The following PARP16 variants were observed in gnomAD, a reference collection of about 807,000 sequenced individuals.
PARP16 encodes the protein protein mono-ADP-ribosyltransferase PARP16.
Under a neutral mutation model 35.0 loss-of-function variants are expected in PARP16, and 31 were observed. That is an observed-to-expected ratio of 0.88 (90% CI 0.66 to 1.19). PARP16 has a LOEUF of 1.19. PARP16 is among the 50% of genes most tolerant of loss of function. The pLI is 0.00. For synonymous variants in PARP16, 162 were observed against 169.5 expected (o/e 0.96, Z 0.34); for missense variants, 424 against 411.2 (o/e 1.03, Z -0.27).
intron 5 of PARP16, among the ~76,000 whole-genome samples, chr15:65,260,504 C>T (rs962767085): frequency 2.0e-5 from 3 of 152,200 alleles, no homozygotes; most frequent in Non-Finnish European, 4.4e-5. Flanking sequence ...GCTACTGAGC[C>T]AGCCTGTGCA....
chr15:65,244,688 T>C (rs2089162936), intron 3 of PARP16, among the ~76,000 whole-genome samples: 1 of 152,238 alleles, frequency 6.6e-6, no homozygotes, highest in African/African-American at 2.4e-5. Context: ...ATCTTGTCTG[T>C]CTTGTTTATG....
chr15:65,248,197 T>A (rs1350515696), exon 3 of PARP16: 1 of 456,508 alleles, frequency 2.2e-6, no homozygotes, highest in Admixed American at 2.3e-5. Flanking sequence ...GGCTTTACTC[T>A]GGCCACAGAC....
intron 1 of PARP16, among the ~76,000 whole-genome samples, chr15:65,280,978 C>T (rs1184476954): frequency 6.6e-6 from 1 of 152,154 alleles, no homozygotes; most frequent in Non-Finnish European, 1.5e-5. Flanking sequence ...AGGTCTGAGG[C>T]AGGACCTGCT....
rs373311956 is a variant in PARP16, at chr15:65,266,437, G to A, written c.519+125C>T. 22 of 729,068 alleles carry A rather than the reference G, an allele frequency of 3.0e-5. No individual in the cohort carries two copies. In the South Asian group the frequency reaches 3.7e-4, roughly 12 times the overall value. 45.2% of individuals were successfully genotyped at this position (729,068 alleles called of 1,614,324 possible). On this transcript the variant is annotated intron_variant, in intron 3 of 5. Transcript: ENST00000649807. ...CTGGTGTGCAGACCACATTTTGAGT[G>A]AGAAGGCGTTAGTAAACCTACCCGA...
chr15:65,259,587 A>C (rs776813787), intron 5 of PARP16, 45 bp from the exon 6 acceptor site: 5 of 1,596,036 alleles, frequency 3.1e-6, no homozygotes, highest in Non-Finnish European at 4.3e-6. Context: ...AAAGAGAAAA[A>C]CATTTTTTTT....
At chr15:65,267,209 C>T (rs1198909597) in intron 2 of PARP16, among the ~76,000 whole-genome samples, 1 of 151,894 alleles carries the variant, frequency 6.6e-6, no homozygotes, top group African/African-American at 2.4e-5. Context: ...TCACTGTACT[C>T]CAGACTGGGC....
At chr15:65,284,770 A>C (rs528302698) in intron 1 of PARP16, among the ~76,000 whole-genome samples, 4 of 145,664 alleles carry the variant, frequency 2.7e-5, no homozygotes, top group African/African-American at 1.0e-4. Context: ...CTACGTCCAG[A>C]GTTTTCTTTG....
At chr15:65,269,906 G>C (rs561256246) in intron 2 of PARP16, among the ~76,000 whole-genome samples, 1 of 152,256 alleles carries the variant, frequency 6.6e-6, no homozygotes, top group South Asian at 2.1e-4. Flanking sequence ...GAATAAATTT[G>C]AATTCAACAC....
chr15:65,245,738 C>T (rs2089193641), intron 3 of PARP16, among the ~76,000 whole-genome samples: 1 of 152,174 alleles, frequency 6.6e-6, no homozygotes, highest in Non-Finnish European at 1.5e-5. Context: ...GAGCTCAGGA[C>T]AGCCATCAGA....
At chr15:65,236,256 T>C (rs949631324) in intron 3 of PARP16, among the ~76,000 whole-genome samples, 3 of 152,216 alleles carry the variant, frequency 2.0e-5, no homozygotes, top group Non-Finnish European at 4.4e-5. Flanking sequence ...AACCCTGTGG[T>C]GCTTACAGTC....
At chr15:65,274,891 G>A (rs1415176838) in intron 1 of PARP16, among the ~76,000 whole-genome samples, 10 of 152,060 alleles carry the variant, frequency 6.6e-5, no homozygotes, top group Non-Finnish European at 1.2e-4. Context: ...CGAGGCAGGC[G>A]GATCACCTGA....
In PARP16 at chr15:65,271,052, T is replaced by C. The variant is rs138518699; in HGVS notation, c.195A>G (p.Leu65=). 1.6e-4 allele frequency: 266 copies of C among 1,614,032 alleles called. No homozygotes were observed. Among genetic ancestry groups the C allele is most frequent in the Middle Eastern group, 1.2e-3 (7 of 6,062 alleles). The change falls in exon 2 of 6, where the codon TTA becomes TTG. Residue 65 remains leucine, a synonymous_variant. Coordinates refer to ENST00000649807, the MANE Select transcript of PARP16 (RefSeq NM_001316943.2). ...FEALLADASK[L]PNLKELLQSS... ...ACTGGAGAAGTTCTTTCAGGTTAGGTAACTTGCTGGCATCTGCAAGCTGAA... is the reference window on the plus strand; with the variant it reads ...ACTGGAGAAGTTCTTTCAGGTTAGGCAACTTGCTGGCATCTGCAAGCTGAA...
chr15:65,232,486 G>A (rs2088789511), downstream of PARP16, among the ~76,000 whole-genome samples: 1 of 152,186 alleles, frequency 6.6e-6, no homozygotes, highest in Non-Finnish European at 1.5e-5. Flanking sequence ...AGTTAATACT[G>A]AACTGTACAC....
chr15:65,260,800 G>C (rs1023621089), intron 5 of PARP16, 85 bp downstream of exon 5: 1 of 1,262,916 alleles, frequency 7.9e-7, no homozygotes, highest in African/African-American at 1.5e-5. Flanking sequence ...GAGGTCTAAG[G>C]CTGGGGGAGG....
chr15:65,237,480 C>G (rs977346642), intron 3 of PARP16, among the ~76,000 whole-genome samples: 1 of 152,148 alleles, frequency 6.6e-6, no homozygotes, highest in African/African-American at 2.4e-5. Flanking sequence ...CCTGGATTAT[C>G]TGGGTGGACC....
At chr15:65,256,429 A>G (rs1433569358), downstream of PARP16, among the ~76,000 whole-genome samples, 2 of 114,038 alleles carry the variant, frequency 1.8e-5, no homozygotes, top group African/African-American at 6.6e-5. Flanking sequence ...TTTTTTTGAG[A>G]TGGAGTCTCG....
chr15:65,237,672 C>T (rs1055257920), intron 3 of PARP16, among the ~76,000 whole-genome samples: 1 of 152,150 alleles, frequency 6.6e-6, no homozygotes, highest in African/African-American at 2.4e-5. Context: ...CCCCTAGAGC[C>T]TCCAGAGGGA....
chr15:65,268,861 T>A (rs2089991578), intron 2 of PARP16, among the ~76,000 whole-genome samples: 1 of 152,114 alleles, frequency 6.6e-6, no homozygotes, highest in Non-Finnish European at 1.5e-5. Flanking sequence ...TTCAAGCGAT[T>A]CTCCTACCTC....
intron 1 of PARP16, among the ~76,000 whole-genome samples, chr15:65,277,661 C>T (rs1456331158): frequency 1.3e-5 from 2 of 152,132 alleles, no homozygotes; most frequent in South Asian, 2.1e-4. Context: ...CCAGGTGGCC[C>T]GACTCCAGAG....
Sources: gnomAD v4.1 joint callset for allele counts (sites outside exome capture counted in the v4.1 genomes callset) on GRCh38, gnomAD v4.1.1 for gene constraint, MANE v1.5 for transcripts, NCBI Gene and HGNC (gene_info 2026-07-23, HGNC 2026-07-21) for gene names.